ZNF536: variants seen among roughly 807,000 people sequenced by gnomAD.
ZNF536 encodes zinc finger protein 536.
Under a neutral mutation model 84.5 loss-of-function variants are expected in ZNF536, and 13 were observed. The ratio of observed to expected loss-of-function variants is 0.15; its 90% CI spans 0.10 to 0.24. The LOEUF (loss-of-function observed/expected upper bound fraction) is 0.24, where lower values mean the gene tolerates loss of function less well. ZNF536 is among the 10% of genes least tolerant of loss of function. The pLI is 1.00. For missense variants in ZNF536, 1,536 were observed against 1,747.5 expected, an observed-to-expected ratio of 0.88 and a Z score of 2.16; for synonymous variants, 811 against 742.5, an observed-to-expected ratio of 1.09 and a Z score of -1.50.
intron 1 of ZNF536, among the ~76,000 whole-genome samples, chr19:30,598,862 C>A (rs2047556687): frequency 6.6e-6 from 1 of 151,944 alleles, no homozygotes; most frequent in Non-Finnish European, 1.5e-5. Flanking sequence ...TTTCTTCCTT[C>A]CCTTCTTCCT....
In ZNF536 at chr19:30,446,097, A is replaced by C. The variant is rs193106926; in HGVS notation, c.2170+365A>C. On this transcript the variant is annotated intron_variant, in intron 2 of 4. Coordinates refer to ENST00000355537, the MANE Select transcript of ZNF536 (RefSeq NM_014717.3). Reference sequence around the variant, plus strand: ...ACCCCATCTCTACTAAAAATCCAAAAATTTAGGCAAATGTGGTGATGCATG... The same window carrying C: ...ACCCCATCTCTACTAAAAATCCAAACATTTAGGCAAATGTGGTGATGCATG... Among the ~76,000 whole-genome samples the C allele has an allele frequency of 5.2e-3, 784 of 151,694 alleles. 5 individuals carry two copies. The highest frequency in any genetic ancestry group is 0.018 in the African/African-American group (752 of 41,330).
At chr19:30,404,116 G>A (rs1215089669) in intron 1 of ZNF536, among the ~76,000 whole-genome samples, 1 of 150,198 alleles carries the variant, frequency 6.7e-6, no homozygotes, top group African/African-American at 2.4e-5. Flanking sequence ...AGTCTTGCAA[G>A]GGAAGATGGT....
intron 2 of ZNF536, among the ~76,000 whole-genome samples, chr19:30,506,135 T>C (rs1476637851): frequency 2.0e-5 from 3 of 152,048 alleles, no homozygotes; most frequent in Non-Finnish European, 4.4e-5. Flanking sequence ...AAAATGAATA[T>C]GGAATTATGG....
intron 1 of ZNF536, among the ~76,000 whole-genome samples, chr19:30,677,364 C>A (rs1439220379): frequency 6.6e-6 from 1 of 152,216 alleles, no homozygotes; most frequent in Non-Finnish European, 1.5e-5. Context: ...TTGGCCCTAT[C>A]AATTTGGCCT....
chr19:30,469,406 C>T (rs914328418), intron 2 of ZNF536, among the ~76,000 whole-genome samples: 9 of 151,758 alleles, frequency 5.9e-5, no homozygotes, highest in Non-Finnish European at 1.2e-4. Flanking sequence ...AGTGAGACTC[C>T]ATCTCAAAAA....
chr19:30,685,358 C>G (rs2051135348), intron 1 of ZNF536, among the ~76,000 whole-genome samples: 1 of 152,162 alleles, frequency 6.6e-6, no homozygotes, highest in Non-Finnish European at 1.5e-5. Flanking sequence ...TATCTGTGGG[C>G]TCTTACAGCG....
intron 2 of ZNF536, among the ~76,000 whole-genome samples, chr19:30,338,477 ATGATAG>A (rs1274416051): frequency 7.5e-6 from 1 of 133,118 alleles, no homozygotes; most frequent in Non-Finnish European, 1.6e-5. Flanking sequence ...GATGACAATG[ATGATAG>A]TGATGATGAT....
intron 2 of ZNF536, among the ~76,000 whole-genome samples, chr19:30,286,937 G>C (rs2045651378): frequency 6.6e-6 from 1 of 152,164 alleles, no homozygotes. Context: ...GATCCTTGAT[G>C]ATAACAGCAA....
At chr19:30,336,904 C>T (rs2047400187) in intron 2 of ZNF536, among the ~76,000 whole-genome samples, 1 of 152,182 alleles carries the variant, frequency 6.6e-6, no homozygotes, top group Non-Finnish European at 1.5e-5. Context: ...TCACCCCAAA[C>T]TTCATTAGTG....
chr19:30,534,632 T>C (rs1253939521), intron 2 of ZNF536, among the ~76,000 whole-genome samples: 1 of 152,246 alleles, frequency 6.6e-6, no homozygotes, highest in Admixed American at 6.5e-5. Flanking sequence ...AATATAAAGG[T>C]ACCATATGCT....
chr19:30,267,068 C>T (rs1179256993), intron 1 of ZNF536, among the ~76,000 whole-genome samples: 1 of 152,196 alleles, frequency 6.6e-6, no homozygotes, highest in Admixed American at 6.5e-5. Flanking sequence ...AAATGGATCA[C>T]TAATTTTAAC....
intron 2 of ZNF536, among the ~76,000 whole-genome samples, chr19:30,323,879 C>T (rs571845592): frequency 6.6e-6 from 1 of 152,264 alleles, no homozygotes; most frequent in East Asian, 1.9e-4. Flanking sequence ...CCACTCCTGT[C>T]TTCCCCTCAG....
At chr19:30,373,885 G>A (rs1054521497) in intron 1 of ZNF536, among the ~76,000 whole-genome samples, 2 of 152,208 alleles carry the variant, frequency 1.3e-5, no homozygotes, top group Non-Finnish European at 2.9e-5. Context: ...CCGGGGCCAA[G>A]GTGGGCCTCA....
intron 1 of ZNF536, among the ~76,000 whole-genome samples, chr19:30,688,591 G>A (rs1282825137): frequency 1.3e-5 from 2 of 152,122 alleles, no homozygotes; most frequent in Non-Finnish European, 2.9e-5. Flanking sequence ...ATCTGTTATG[G>A]ATCCATAATA....
intron 2 of ZNF536, among the ~76,000 whole-genome samples, chr19:30,317,433 T>C (rs1239112834): frequency 6.6e-6 from 1 of 152,202 alleles, no homozygotes; most frequent in African/African-American, 2.4e-5. Context: ...TCTTTAGGTC[T>C]TGCACCTACA....
intron 2 of ZNF536, among the ~76,000 whole-genome samples, chr19:30,489,872 G>C (rs2054440629): frequency 6.6e-6 from 1 of 152,198 alleles, no homozygotes; most frequent in Admixed American, 6.5e-5. Context: ...GTGAAAGTTT[G>C]CTGAAAAGGC....
chr19:30,366,644 C>A (rs2048446995), intron 3 of ZNF536, among the ~76,000 whole-genome samples: 1 of 151,452 alleles, frequency 6.6e-6, no homozygotes, highest in African/African-American at 2.4e-5. Flanking sequence ...TCCATCTATC[C>A]CCTATTTTCC....
At chr19:30,631,422 C>G (rs971103884) in intron 1 of ZNF536, among the ~76,000 whole-genome samples, 6 of 152,236 alleles carry the variant, frequency 3.9e-5, no homozygotes, top group African/African-American at 9.6e-5. Context: ...CGGCTGTCCC[C>G]TCCCACCAGG....
At chr19:30,362,032 TA>T (rs1317608098) in intron 3 of ZNF536, among the ~76,000 whole-genome samples, 4 of 12,902 alleles carry the variant, frequency 3.1e-4, no homozygotes, top group Non-Finnish European at 9.7e-4. Context: ...CTGCTGGTCC[TA>T]CTGTACTGCG....
Sources: allele counts gnomAD v4.1 joint callset (sites outside exome capture counted in the v4.1 genomes callset), GRCh38; gene constraint gnomAD v4.1.1; transcripts MANE v1.5; gene names NCBI Gene and HGNC (gene_info 2026-07-23, HGNC 2026-07-21).